Variants in LRRC8D observed in about 807,000 individuals in gnomAD.
LRRC8D encodes volume-regulated anion channel subunit LRRC8D.
Under a neutral mutation model 55.8 loss-of-function variants are expected in LRRC8D, and 20 were observed. That is an observed-to-expected ratio of 0.36 (90% confidence interval 0.25 to 0.52). The LOEUF is 0.52. Ranked by LOEUF, LRRC8D falls within the 20% of genes least tolerant of loss-of-function variation. LRRC8D has a pLI of 0.93. For synonymous variants in LRRC8D, 352 were observed against 377.0 expected, an observed-to-expected ratio of 0.93 and a Z score of 0.77; for missense variants, 651 against 1,030.8, an observed-to-expected ratio of 0.63 and a Z score of 5.05.
At chr1:89,873,226 CT>C (rs1223088347) in intron 2 of LRRC8D, among the ~76,000 whole-genome samples, 1 of 152,194 alleles carries the variant, frequency 6.6e-6, no homozygotes, top group East Asian at 1.9e-4. Context: ...TCAACAACCC[CT>C]CAAAGCTGTC....
intron 1 of LRRC8D, among the ~76,000 whole-genome samples, chr1:89,839,417 G>A (rs1408041965): frequency 2.0e-5 from 3 of 152,222 alleles, no homozygotes; most frequent in Non-Finnish European, 2.9e-5. Context: ...TCTAAGTCAT[G>A]CTGTGGGGTG....
At chr1:89,928,323 G>A (rs1161902071) in intron 2 of LRRC8D, among the ~76,000 whole-genome samples, 2 of 152,052 alleles carry the variant, frequency 1.3e-5, no homozygotes, top group Non-Finnish European at 2.9e-5. Flanking sequence ...TGCCCACCTC[G>A]GCCTCCCAAA....
rs913482337 is a variant in LRRC8D at position 89,934,452 on chromosome 1, C to A, written c.1384C>A (p.Gln462Lys). The change falls in exon 3 of 3, where the codon CAG (glutamine) becomes AAG (lysine). Residue 462 changes from glutamine to lysine, a missense_variant. Gln to Lys is a moderately conservative substitution (Grantham distance 53). Coordinates refer to ENST00000337338, the MANE Select transcript of LRRC8D (RefSeq NM_001134479.2). This position sits in a 1 kb window ranked among gnomAD's most constrained non-coding sequence, Gnocchi z 5.9. ...NHEWTFEKLR[Q>K]HISRNAQDKQ... The stretch of plus-strand genomic sequence containing the variant: ...TGAGTGGACATTTGAAAAACTCAGG[C>A]AGCACATTTCACGCAACGCCCAGGA... 1 of 1,614,090 alleles carries A rather than the reference C, an allele frequency of 6.2e-7. No homozygotes were observed. Among genetic ancestry groups the A allele is most frequent in the Non-Finnish European group, 8.5e-7 (1 of 1,180,014 alleles).
At chr1:89,874,547 T>A (rs1662103248) in intron 2 of LRRC8D, among the ~76,000 whole-genome samples, 1 of 151,876 alleles carries the variant, frequency 6.6e-6, no homozygotes. Context: ...TACCCTTCAG[T>A]GACTTTATCA....
intron 2 of LRRC8D, among the ~76,000 whole-genome samples, chr1:89,931,269 A>G (rs1259032825): frequency 1.3e-5 from 2 of 150,772 alleles, no homozygotes; most frequent in East Asian, 3.9e-4. Context: ...AAAAAAAAAA[A>G]AAAAAAAAAA....
intron 2 of LRRC8D, among the ~76,000 whole-genome samples, chr1:89,919,116 C>T (rs1318228760): frequency 6.6e-6 from 1 of 152,338 alleles, no homozygotes; most frequent in African/African-American, 2.4e-5. Context: ...GCATTCATTT[C>T]TGGTCTTACT....
At position 89,826,574 on chromosome 1, in the gene LRRC8D, C is replaced by T. The variant is rs149378141; in HGVS notation, c.-148+5283C>T. On this transcript the variant is annotated intron_variant, in intron 1 of 2. Coordinates refer to ENST00000337338, the MANE Select transcript of LRRC8D (RefSeq NM_001134479.2). The stretch of plus-strand genomic sequence containing the variant: ...GCTACCCTTAAATTTTATAGTTGAG[C>T]GTATCCAGGCACAGGGAGGTGATGT... 1.3e-4 allele frequency among the ~76,000 whole-genome samples: 20 copies of T among 152,232 alleles called. No homozygotes were observed. The East Asian group carries it at 3.9e-3, about 29-fold the overall frequency.
chr1:89,883,635 CTG>C (rs1422105248), intron 2 of LRRC8D, among the ~76,000 whole-genome samples: 2 of 152,100 alleles, frequency 1.3e-5, no homozygotes. Flanking sequence ...AAATCACTAA[CTG>C]TGGGGTTTCA....
chr1:89,824,352 A>G (rs1015792805), intron 1 of LRRC8D, among the ~76,000 whole-genome samples: 1 of 152,186 alleles, frequency 6.6e-6, no homozygotes, highest in African/African-American at 2.4e-5. Context: ...ATTGAAAGAA[A>G]GGGGCAGTTT....
intron 2 of LRRC8D, among the ~76,000 whole-genome samples, chr1:89,922,423 T>C (rs1663447594): frequency 6.6e-6 from 1 of 152,262 alleles, no homozygotes; most frequent in African/African-American, 2.4e-5. Context: ...CACATATTTA[T>C]CATTAGTCAT....
At chr1:89,916,770 C>G (rs1246463149) in intron 2 of LRRC8D, among the ~76,000 whole-genome samples, 1 of 151,974 alleles carries the variant, frequency 6.6e-6, no homozygotes, top group Non-Finnish European at 1.5e-5. Context: ...CATTTCAAAT[C>G]CTGGGTTTTC....
At chr1:89,915,403 C>A (rs775223069) in intron 2 of LRRC8D, among the ~76,000 whole-genome samples, 1 of 152,208 alleles carries the variant, frequency 6.6e-6, no homozygotes. Flanking sequence ...TATAATGATC[C>A]GTGTTTACTG....
Position 89,935,205 on chromosome 1 carries a change from TTCTCTAA to T in LRRC8D, c.2138_2144del (p.Phe713SerfsTer20). Reference sequence around the variant, plus strand: ...TGTCAAAAACTTGGAGTCACTTTATTTCTCTAACAACAAGCTCGAATCCTTACCAGTG... The same window carrying T: ...TGTCAAAAACTTGGAGTCACTTTATTCAACAAGCTCGAATCCTTACCAGTG... On this transcript the variant is annotated frameshift_variant, in exon 3 of 3. Coordinates refer to ENST00000337338, the MANE Select transcript of LRRC8D (RefSeq NM_001134479.2). LOFTEE classifies it high-confidence loss of function. 6.2e-7 allele frequency: 1 copy of T among 1,614,212 alleles called. No individual in the cohort carries two copies. Among genetic ancestry groups the T allele is most frequent in the Non-Finnish European group, 8.5e-7 (1 of 1,180,026 alleles).
In LRRC8D at chr1:89,866,892, C is replaced by G. The variant is rs78638342; in HGVS notation, c.-3+23110C>G. 8.7e-3 allele frequency among the ~76,000 whole-genome samples: 1,308 copies of G among 150,080 alleles called. 17 individuals carry two copies. The highest frequency in any genetic ancestry group is 0.03 in the African/African-American group (1,244 of 41,416). ...TGTATCAATCAGATAGATACTTACACTTAACATTAAAAGGAAAAATCGGTG... is the reference window on the plus strand; with the variant it reads ...TGTATCAATCAGATAGATACTTACAGTTAACATTAAAAGGAAAAATCGGTG... On this transcript the variant is annotated intron_variant, in intron 2 of 2. Transcript: ENST00000337338.
intron 1 of LRRC8D, among the ~76,000 whole-genome samples, chr1:89,839,722 C>T (rs1015309042): frequency 9.9e-5 from 15 of 152,100 alleles, no homozygotes; most frequent in Non-Finnish European, 7.4e-5. Flanking sequence ...TGTGCTACCC[C>T]GGAGGTGAAG....
chr1:89,870,419 T>C lies in LRRC8D; in HGVS notation c.-3+26637T>C, dbSNP rs994906839. ...TGAACCCGGGAGGCAGAGGTTGCAG[T>C]GAGCCAAGATCGTGTCACTGCACTC... is the stretch of plus-strand genomic sequence containing the variant. On this transcript the variant is annotated intron_variant, in intron 2 of 2. Transcript: ENST00000337338. Among the ~76,000 whole-genome samples, 22 of 151,884 alleles carry C rather than the reference T, an allele frequency of 1.4e-4. 1 individual carries two copies. The highest frequency in any genetic ancestry group is 6.2e-4 in the South Asian group (3 of 4,810).
At chr1:89,885,513 T>G (rs1312399721) in intron 2 of LRRC8D, among the ~76,000 whole-genome samples, 6 of 152,182 alleles carry the variant, frequency 3.9e-5, no homozygotes, top group African/African-American at 1.4e-4. Context: ...AACTTAATAA[T>G]GGTGTGAATA....
intron 2 of LRRC8D, among the ~76,000 whole-genome samples, chr1:89,862,533 T>C (rs1661746582): frequency 6.6e-6 from 1 of 152,248 alleles, no homozygotes; most frequent in African/African-American, 2.4e-5. Flanking sequence ...AGTTCTCCTG[T>C]GTTTAGCACT....
chr1:89,861,098 G>A (rs1474052207), intron 2 of LRRC8D, among the ~76,000 whole-genome samples: 1 of 152,058 alleles, frequency 6.6e-6, no homozygotes, highest in African/African-American at 2.4e-5. Flanking sequence ...GTCCATCCTT[G>A]GCCAAGGGAG....
Sources: allele counts gnomAD v4.1 joint callset (sites outside exome capture counted in the v4.1 genomes callset), GRCh38; gene constraint gnomAD v4.1.1; non-coding constraint Gnocchi (gnomAD v3.1); transcripts MANE v1.5; gene names NCBI Gene and HGNC (gene_info 2026-07-23, HGNC 2026-07-21).